SLIT3: variants seen among roughly 807,000 people sequenced by gnomAD.
The protein encoded by SLIT3 is slit guidance ligand 3.
Under a neutral mutation model 184.0 loss-of-function variants are expected in SLIT3, and 68 were observed. That is an observed-to-expected ratio of 0.37 (90% CI 0.30 to 0.45). The LOEUF (loss-of-function observed/expected upper bound fraction) is 0.45, where lower values mean the gene tolerates loss of function less well. SLIT3 is among the 20% of genes least tolerant of loss of function. SLIT3 has a pLI of 1.00. For missense variants in SLIT3, 1,707 were observed against 2,026.0 expected, an observed-to-expected ratio of 0.84 and a Z score of 3.02; for synonymous variants, 831 against 828.6, an observed-to-expected ratio of 1.00 and a Z score of -0.05.
chr5:169,275,266 A>G (rs1186783003), intron 1 of SLIT3, among the ~76,000 whole-genome samples: 1 of 152,186 alleles, frequency 6.6e-6, no homozygotes, highest in Non-Finnish European at 1.5e-5. Context: ...TGAGGTAACT[A>G]AGGTTTGGTG....
intron 4 of SLIT3, among the ~76,000 whole-genome samples, chr5:168,912,757 A>G (rs892880399): frequency 2.0e-5 from 3 of 152,128 alleles, no homozygotes; most frequent in Non-Finnish European, 2.9e-5. Flanking sequence ...TCCCTCCACA[A>G]GTGGCCAGGC....
chr5:169,210,165 G>T (rs1764213802), intron 3 of SLIT3, among the ~76,000 whole-genome samples: 2 of 152,142 alleles, frequency 1.3e-5, no homozygotes, highest in Non-Finnish European at 2.9e-5. Flanking sequence ...AGTCCACAGT[G>T]AGGGGTGCAT....
chr5:168,827,670 G>C (rs1016723192), intron 6 of SLIT3, among the ~76,000 whole-genome samples: 1 of 152,146 alleles, frequency 6.6e-6, no homozygotes, highest in Non-Finnish European at 1.5e-5. Context: ...AACATTCATA[G>C]GTTTCTGGGA....
chr5:168,748,082 G>T (rs546219340), intron 20 of SLIT3, among the ~76,000 whole-genome samples: 22 of 152,282 alleles, frequency 1.4e-4, no homozygotes, highest in African/African-American at 5.1e-4. Flanking sequence ...TCCTCTGCCA[G>T]GCAGAGGCAC....
At chr5:169,119,081 A>T in intron 4 of SLIT3, among the ~76,000 whole-genome samples, 1 of 152,224 alleles carries the variant, frequency 6.6e-6, no homozygotes, top group East Asian at 1.9e-4. Flanking sequence ...GTCTGGATCC[A>T]AAATCTGTCT....
chr5:168,853,398 C>A (rs1394449245), intron 5 of SLIT3, among the ~76,000 whole-genome samples: 1 of 152,144 alleles, frequency 6.6e-6, no homozygotes, highest in South Asian at 2.1e-4. Context: ...AAGTAATGTA[C>A]CACCTAAAAT....
chr5:169,017,807 T>C (rs1352499997), intron 4 of SLIT3: 1 of 152,202 alleles, frequency 6.6e-6, no homozygotes, highest in African/African-American at 2.4e-5. Context: ...TCCAAGCATC[T>C]CCTAAGTCTT....
intron 1 of SLIT3, among the ~76,000 whole-genome samples, chr5:169,290,600 C>T (rs1047224956): frequency 6.8e-6 from 1 of 147,438 alleles, no homozygotes; most frequent in Non-Finnish European, 1.5e-5. Context: ...CTAGGACATA[C>T]ACTAGGGCAT....
chr5:168,907,829 C>G (rs541216544), intron 4 of SLIT3, among the ~76,000 whole-genome samples: 2 of 149,916 alleles, frequency 1.3e-5, no homozygotes, highest in African/African-American at 4.9e-5. Flanking sequence ...GGTTTCATTA[C>G]ACACATACAC....
chr5:169,157,192 C>A (rs557729632), intron 4 of SLIT3, among the ~76,000 whole-genome samples: 1 of 152,188 alleles, frequency 6.6e-6, no homozygotes, highest in Non-Finnish European at 1.5e-5. Context: ...TCAGCAGAGA[C>A]TGTAAGGAGT....
Position 168,772,978 on chromosome 5 carries a change from A to T in SLIT3, c.1296-34T>A, listed in dbSNP as rs191162662. The T allele has an allele frequency of 2.7e-3, 4,229 of 1,551,846 alleles. 9 individuals are homozygous for T. Among genetic ancestry groups the T allele is most frequent in the Non-Finnish European group, 2.8e-3 (3,249 of 1,147,096 alleles). ...GGGATGGGGCCGTTAATCAGGAGTGACCCACGGCGTCTTGCTCCACCACCA... is the reference window on the plus strand; with the variant it reads ...GGGATGGGGCCGTTAATCAGGAGTGTCCCACGGCGTCTTGCTCCACCACCA... On this transcript the variant is annotated intron_variant, in intron 13 of 35. Coordinates refer to ENST00000519560, the MANE Select transcript of SLIT3 (RefSeq NM_003062.4).
At chr5:168,715,961 TGCGCCCA>T (rs1762713155) in intron 23 of SLIT3, among the ~76,000 whole-genome samples, 1 of 152,018 alleles carries the variant, frequency 6.6e-6, no homozygotes. Flanking sequence ...CATGAGCCAC[TGCGCCCA>T]GCCTACATAT....
intron 4 of SLIT3, among the ~76,000 whole-genome samples, chr5:169,112,405 T>C (rs1470395987): frequency 1.3e-5 from 2 of 152,196 alleles, no homozygotes; most frequent in African/African-American, 4.8e-5. Context: ...AGTTCTCTGA[T>C]TCTTTTCTCA....
rs535737059 is a variant in SLIT3 at position 169,167,375 on chromosome 5, C to T, written c.413+26104G>A. ...CTGCAAGCTCCGCCTCCCAAGTTTGCGCCATTCTCCTGCCTCAGCCTCCCG... is the reference window on the plus strand; with the variant it reads ...CTGCAAGCTCCGCCTCCCAAGTTTGTGCCATTCTCCTGCCTCAGCCTCCCG... On this transcript the variant is annotated intron_variant, in intron 4 of 35. Transcript: ENST00000519560. Among the ~76,000 whole-genome samples the T allele has an allele frequency of 7.5e-5, 11 of 146,380 alleles. No individual in the cohort carries two copies. The East Asian group carries it at 1.1e-3, about 14-fold the overall frequency.
rs184642625 is a variant in SLIT3, at chr5:168,678,576, G to A, written c.3687-5245C>T. The stretch of plus-strand genomic sequence containing the variant: ...CGGGTGCCTGTAGTCTCAGCTACTC[G>A]GGAGGCTGAGGCAGGAGAATCACCT... On this transcript the variant is annotated intron_variant, in intron 32 of 35. Transcript: ENST00000519560. 3.6e-4 allele frequency among the ~76,000 whole-genome samples: 54 copies of A among 152,066 alleles called. No individual in the cohort carries two copies. In the East Asian group the frequency reaches 8.3e-3, roughly 23 times the overall value.
At chr5:169,080,994 G>A (rs1759015424) in intron 4 of SLIT3, among the ~76,000 whole-genome samples, 2 of 152,182 alleles carry the variant, frequency 1.3e-5, no homozygotes, top group South Asian at 2.1e-4. Flanking sequence ...CATGAGATAG[G>A]AACAAATGCA....
At chr5:168,780,442 G>A (rs1293007616) in intron 12 of SLIT3, among the ~76,000 whole-genome samples, 1 of 152,254 alleles carries the variant, frequency 6.6e-6, no homozygotes, top group African/African-American at 2.4e-5. Context: ...TGAACACTCA[G>A]ATGCAGATAT....
chr5:168,779,959 A>C (rs1295570357), intron 12 of SLIT3, among the ~76,000 whole-genome samples: 2 of 152,228 alleles, frequency 1.3e-5, no homozygotes, highest in African/African-American at 2.4e-5. Flanking sequence ...CCCCACTGTT[A>C]GCTACTGCCT....
intron 4 of SLIT3, among the ~76,000 whole-genome samples, chr5:169,056,714 G>A (rs989980929): frequency 6.6e-5 from 10 of 152,144 alleles, no homozygotes; most frequent in African/African-American, 1.7e-4. Context: ...GGATTTCATC[G>A]TTTCTACTTT....
Sources: allele counts gnomAD v4.1 joint callset (sites outside exome capture counted in the v4.1 genomes callset), GRCh38; gene constraint gnomAD v4.1.1; transcripts MANE v1.5; gene names NCBI Gene and HGNC (gene_info 2026-07-23, HGNC 2026-07-21).